The following ROR2 variants were observed in gnomAD, a reference collection of about 807,000 sequenced individuals.
The protein encoded by ROR2 is tyrosine-protein kinase transmembrane receptor ROR2.
Under a neutral mutation model 74.9 loss-of-function variants are expected in ROR2, and 33 were observed. The ratio of observed to expected loss-of-function variants is 0.44; its 90% CI spans 0.33 to 0.59. The LOEUF (loss-of-function observed/expected upper bound fraction) is 0.59. Ranked by LOEUF, ROR2 falls within the 20% of genes least tolerant of loss-of-function variation. The pLI is 0.02. For synonymous variants in ROR2, 586 were observed against 558.7 expected (o/e 1.05, Z -0.69); for missense variants, 1,216 against 1,313.8 (o/e 0.93, Z 1.15).
In ROR2 at chr9:91,905,621, GC is replaced by G. The variant is rs970355985; in HGVS notation, c.97+44245del. Among the ~76,000 whole-genome samples the G allele has an allele frequency of 1.3e-5, 2 of 150,964 alleles. No homozygotes were observed. Among genetic ancestry groups the G allele is most frequent in the South Asian group, 2.1e-4 (1 of 4,784 alleles). ...TGCCACACACAACACATATACAGAT[GC>G]CCCCAACACACATAAACACACATAA... On this transcript the variant is annotated intron_variant, in intron 1 of 8. Transcript: ENST00000375708. This position sits in a 1 kb window ranked among gnomAD's most constrained non-coding sequence, Gnocchi z 5.3.
At chr9:91,872,319 C>T (rs960800355) in intron 1 of ROR2, among the ~76,000 whole-genome samples, 1 of 152,178 alleles carries the variant, frequency 6.6e-6, no homozygotes, top group African/African-American at 2.4e-5. Context: ...TGGCACCGTT[C>T]GTCCTGGGGT....
intron 4 of ROR2, among the ~76,000 whole-genome samples, chr9:91,753,664 G>A (rs918952135): frequency 1.3e-5 from 2 of 152,200 alleles, no homozygotes; most frequent in Non-Finnish European, 2.9e-5. Flanking sequence ...TGATGGGAAT[G>A]CCTGTCACAA....
chr9:91,845,618 G>A (rs4641128), intron 1 of ROR2, among the ~76,000 whole-genome samples: 4,563 of 152,034 alleles, frequency 0.03, 168 homozygotes, highest in Middle Eastern at 0.088. Context: ...GCGGTTGCTC[G>A]CATCTGTAAT....
intron 4 of ROR2, among the ~76,000 whole-genome samples, chr9:91,751,659 C>T (rs1825598494): frequency 2.0e-5 from 3 of 152,258 alleles, no homozygotes; most frequent in South Asian, 2.1e-4. Context: ...GTATCTGGTA[C>T]TCATGTGGAT....
chr9:91,909,627 C>T (rs984893816), intron 1 of ROR2, among the ~76,000 whole-genome samples: 5 of 151,208 alleles, frequency 3.3e-5, no homozygotes, highest in South Asian at 2.1e-4. Flanking sequence ...GCTGGGATTA[C>T]AGGCATGAGC....
chr9:91,827,314 A>G (rs909721131), intron 1 of ROR2, among the ~76,000 whole-genome samples: 1 of 150,554 alleles, frequency 6.6e-6, no homozygotes, highest in Non-Finnish European at 1.5e-5. Flanking sequence ...TTGCTATATC[A>G]TTTTTTTTTA....
chr9:91,884,474 T>C (rs1437529225), intron 1 of ROR2, among the ~76,000 whole-genome samples: 5 of 119,880 alleles, frequency 4.2e-5, no homozygotes, highest in Admixed American at 1.8e-4. Flanking sequence ...TTGATTACCT[T>C]TAAAAAAAAA....
At chr9:91,844,316 C>T (rs1828863214) in intron 1 of ROR2, among the ~76,000 whole-genome samples, 1 of 152,098 alleles carries the variant, frequency 6.6e-6, no homozygotes, top group Non-Finnish European at 1.5e-5. Context: ...TCCTGGGGGC[C>T]TCCTCTGGGC....
chr9:91,807,857 C>T (rs986383996), intron 1 of ROR2, among the ~76,000 whole-genome samples: 31 of 152,120 alleles, frequency 2.0e-4, no homozygotes, highest in African/African-American at 7.0e-4. Context: ...CACTATGACA[C>T]GGCGACCCTC....
At chr9:91,816,565 T>A (rs866743552) in intron 1 of ROR2, among the ~76,000 whole-genome samples, 38 of 150,820 alleles carry the variant, frequency 2.5e-4, no homozygotes, top group African/African-American at 9.0e-4. Context: ...AGAAGCCACC[T>A]CCCCCCGCCA....
At chr9:91,921,328 A>T (rs924861243) in intron 1 of ROR2, among the ~76,000 whole-genome samples, 1 of 152,264 alleles carries the variant, frequency 6.6e-6, no homozygotes, top group Non-Finnish European at 1.5e-5. Flanking sequence ...ATTCCAAATT[A>T]AAAGTAATTA....
Position 91,843,112 on chromosome 9 carries a change from G to A in ROR2, c.98-67294C>T, listed in dbSNP as rs115895820. On this transcript the variant is annotated intron_variant, in intron 1 of 8. Transcript: ENST00000375708. ...CACAGAGAATGTGTTTACATGCGCA[G>A]GAGGGAAAGAGCATGTTGGAGCTGG... Among the ~76,000 whole-genome samples the A allele has an allele frequency of 5.9e-3, 892 of 152,376 alleles. 13 individuals carry two copies. Among genetic ancestry groups the A allele is most frequent in the African/African-American group, 0.02 (820 of 41,594 alleles).
At chr9:91,769,067 G>A (rs1168755216) in intron 2 of ROR2, among the ~76,000 whole-genome samples, 4 of 152,170 alleles carry the variant, frequency 2.6e-5, no homozygotes, top group Non-Finnish European at 4.4e-5. Flanking sequence ...TGGGCCGGGC[G>A]GAGGCAGACA....
intron 1 of ROR2, among the ~76,000 whole-genome samples, chr9:91,858,323 G>T: frequency 6.6e-6 from 1 of 152,158 alleles, no homozygotes; most frequent in East Asian, 1.9e-4. Flanking sequence ...CTAAGCACAG[G>T]CACACACATG....
chr9:91,916,237 G>T (rs970212465), intron 1 of ROR2, among the ~76,000 whole-genome samples: 1 of 152,204 alleles, frequency 6.6e-6, no homozygotes, highest in Non-Finnish European at 1.5e-5. Context: ...TTGTGTTCTT[G>T]CTAGGAGCCA....
intron 1 of ROR2, among the ~76,000 whole-genome samples, chr9:91,818,693 G>A (rs911528404): frequency 1.3e-5 from 2 of 152,202 alleles, no homozygotes; most frequent in African/African-American, 4.8e-5. Context: ...CTGTATCCAT[G>A]AGAAAACAGA....
intron 1 of ROR2, among the ~76,000 whole-genome samples, chr9:91,833,848 G>A (rs973856636): frequency 3.9e-5 from 6 of 152,102 alleles, no homozygotes; most frequent in African/African-American, 1.4e-4. Flanking sequence ...AGGGAGGGAC[G>A]TCCCCTCACT....
At chr9:91,847,201 T>C (rs978904885) in intron 1 of ROR2, among the ~76,000 whole-genome samples, 1 of 152,142 alleles carries the variant, frequency 6.6e-6, no homozygotes, top group Non-Finnish European at 1.5e-5. Context: ...GGCATCAGTA[T>C]GTGCAGGTCT....
chr9:91,823,636 G>T (rs1828200923), intron 1 of ROR2, among the ~76,000 whole-genome samples: 2 of 152,166 alleles, frequency 1.3e-5, no homozygotes, highest in Non-Finnish European at 1.5e-5. Context: ...AGAGGAAGTG[G>T]GGGCAAGAAA....
Sources: gnomAD v4.1 joint callset for allele counts (sites outside exome capture counted in the v4.1 genomes callset) on GRCh38, gnomAD v4.1.1 for gene constraint, Gnocchi (gnomAD v3.1) non-coding constraint, MANE v1.5 for transcripts, NCBI Gene and HGNC (gene_info 2026-07-23, HGNC 2026-07-21) for gene names.